ATF6B: variants seen among roughly 807,000 people sequenced by gnomAD.
ATF6B encodes the protein activating transcription factor 6 beta, also known as cyclic AMP-dependent transcription factor ATF-6 beta.
ATF6B carries 50 observed loss-of-function variants against 83.5 expected under a neutral mutation model. The ratio of observed to expected loss-of-function variants is 0.60; its 90% CI spans 0.48 to 0.76. ATF6B has a LOEUF of 0.76. ATF6B is among the 30% of genes least tolerant of loss of function. ATF6B has a pLI of 0.00. For synonymous variants in ATF6B, 344 were observed against 362.8 expected (o/e 0.95, Z 0.59); for missense variants, 790 against 893.8 (o/e 0.88, Z 1.48).
chr6:32,122,576 C>T (rs1781804551), intron 5 of ATF6B, among the ~76,000 whole-genome samples: 3 of 151,866 alleles, frequency 2.0e-5, no homozygotes, highest in East Asian at 1.9e-4. Flanking sequence ...TGGCGGGGCA[C>T]GGTGGCTCAC....
In ATF6B at chr6:32,118,975, A is replaced by G; in HGVS notation, c.1133T>C (p.Leu378Pro). 1 of 1,614,034 alleles carries G rather than the reference A, an allele frequency of 6.2e-7. No homozygotes were observed. Among genetic ancestry groups the G allele is most frequent in the South Asian group, 1.1e-5 (1 of 91,084 alleles). The change falls in exon 10 of 18, where the codon CTG becomes CCG. Residue 378 changes from leucine to proline, a missense_variant. Leu to Pro is a moderately conservative substitution (Grantham distance 98). Coordinates refer to ENST00000375203, the MANE Select transcript of ATF6B (RefSeq NM_004381.5). The surrounding 1 kb of genome is among the most constrained non-coding windows in gnomAD (Gnocchi z 5.2). ...TCTTACTTCAGCCAGCAGGGCCTCCAGCCGCCGCCGGAGGGCAGCATTCTC... is the reference window on the plus strand; with the variant it reads ...TCTTACTTCAGCCAGCAGGGCCTCCGGCCGCCGCCGGAGGGCAGCATTCTC... Reference protein sequence around the residue: ...RRENAALRRRLEALLAENSEL... With the variant: ...RRENAALRRRPEALLAENSEL...
chr6:32,127,241 G>A, intron 3 of ATF6B, 47 bp from the exon 4 acceptor site: 1 of 1,540,826 alleles, frequency 6.5e-7, no homozygotes, highest in Non-Finnish European at 8.8e-7. Context: ...AGCTTAAGAA[G>A]AGTCCAAAAA....
At position 32,118,091 on chromosome 6, in the gene ATF6B, T is replaced by C; in HGVS notation, c.1245-53A>G. On this transcript the variant is annotated intron_variant, in intron 11 of 17. Transcript: ENST00000375203. This position sits in a 1 kb window ranked among gnomAD's most constrained non-coding sequence, Gnocchi z 5.2. ...TGAAGAATTTCAGCTGTATCAAGTA[T>C]CTAGGTAAGAATAAAGACTCTGCAG... is the stretch of plus-strand genomic sequence containing the variant. 1.9e-6 allele frequency: 3 copies of C among 1,607,086 alleles called. No individual in the cohort carries two copies. Among genetic ancestry groups the C allele is most frequent in the Non-Finnish European group, 2.6e-6 (3 of 1,174,574 alleles).
chr6:32,116,670 G>A lies in ATF6B; in HGVS notation c.1797+34C>T, dbSNP rs200540433. On this transcript the variant is annotated intron_variant, in intron 16 of 17. Transcript: ENST00000375203. This position sits in a 1 kb window ranked among gnomAD's most constrained non-coding sequence, Gnocchi z 5.1. ...CTGAAGACAGACTGCTGGGAACCTG[G>A]GGTGACAGAGATGGAAGGGCAGGAG... 10 of 1,609,484 alleles carry A rather than the reference G, an allele frequency of 6.2e-6. No homozygotes were observed. The highest frequency in any genetic ancestry group is 1.3e-5 in the African/African-American group (1 of 74,790).
At chr6:32,126,900 C>G (rs1215800467) in intron 4 of ATF6B, among the ~76,000 whole-genome samples, 1 of 152,074 alleles carries the variant, frequency 6.6e-6, no homozygotes, top group Non-Finnish European at 1.5e-5. Flanking sequence ...ACAAAAAAAT[C>G]TTCACTGCTA....
chr6:32,127,816 C>A (rs1474318452), intron 1 of ATF6B, 66 bp from the exon 2 acceptor site: 5 of 1,526,678 alleles, frequency 3.3e-6, no homozygotes, highest in African/African-American at 1.4e-5. Flanking sequence ...CACACAAGCC[C>A]CCGCCCCATC....
rs767900351 is a variant in ATF6B, at chr6:32,125,261, T to C, written c.478+856A>G. Among the ~76,000 whole-genome samples the C allele has an allele frequency of 1.3e-5, 2 of 152,250 alleles. No homozygotes were observed. The highest frequency in any genetic ancestry group is 2.4e-5 in the African/African-American group (1 of 41,464). On this transcript the variant is annotated intron_variant, in intron 5 of 17. Coordinates refer to ENST00000375203, the MANE Select transcript of ATF6B (RefSeq NM_004381.5). The surrounding 1 kb of genome is among the most constrained non-coding windows in gnomAD (Gnocchi z 4.1). ...CTTGTTCATCTTTGCATTCCCAGCATGCTGCTCAGTATCTGGCATGGAGTA... is the reference window on the plus strand; with the variant it reads ...CTTGTTCATCTTTGCATTCCCAGCACGCTGCTCAGTATCTGGCATGGAGTA...
In ATF6B at chr6:32,118,108, A is replaced by C. The variant is rs1781607174; in HGVS notation, c.1245-70T>G. On this transcript the variant is annotated intron_variant, in intron 11 of 17. Transcript: ENST00000375203. The surrounding 1 kb of genome is among the most constrained non-coding windows in gnomAD (Gnocchi z 5.2). ...ATCAAGTATCTAGGTAAGAATAAAG[A>C]CTCTGCAGATGGACTGCTTGAGTTG... The C allele has an allele frequency of 6.3e-7, 1 of 1,584,378 alleles. No individual in the cohort carries two copies. Among genetic ancestry groups the C allele is most frequent in the Admixed American group, 1.7e-5 (1 of 59,118 alleles).
Position 32,121,088 on chromosome 6 carries a change from C to G in ATF6B, c.601G>C (p.Glu201Gln), listed in dbSNP as rs1385170075. The G allele has an allele frequency of 6.4e-7, 1 of 1,570,098 alleles. No individual in the cohort carries two copies. The highest frequency in any genetic ancestry group is 8.6e-7 in the Non-Finnish European group (1 of 1,159,744). Residue 201 changes from glutamate (E) to glutamine (Q), a missense_variant, in exon 7 of 18, where the codon GAG becomes CAG. Transcript: ENST00000375203. ...IGEEVLEVKTESLSPSGCLLW... is the reference protein window; with the variant it reads ...IGEEVLEVKTQSLSPSGCLLW... ...AGGCATCCTGAAGGGGACAGGGACT[C>G]TGTCTTCACTTCCAGGACCTCCTCT...
chr6:32,115,844 C>T lies in ATF6B; in HGVS notation c.2007G>A (p.Gln669=), dbSNP rs768672363. 6.2e-7 allele frequency: 1 copy of T among 1,614,122 alleles called. No homozygotes were observed. Among genetic ancestry groups the T allele is most frequent in the East Asian group, 2.2e-5 (1 of 44,862 alleles). ...TGGCATTGCCTGGGGTTGGGGATGG[C>T]TGTTTTCGGAGCGAGGGGGGCACTG... is the stretch of plus-strand genomic sequence containing the variant. ...TSTVPPSLRK[Q]PSPTPGNATG... Residue 669 remains glutamine (Q), a synonymous_variant, in exon 18 of 18, where the codon CAG becomes CAA. Coordinates refer to ENST00000375203, the MANE Select transcript of ATF6B (RefSeq NM_004381.5).
chr6:32,128,042 C>T (rs1782062281), intron 1 of ATF6B, 75 bp downstream of exon 1: 7 of 1,571,262 alleles, frequency 4.5e-6, no homozygotes, highest in Middle Eastern at 1.7e-4. Context: ...CAGACTTCCT[C>T]TTTAGGCCCC....
In ATF6B at chr6:32,116,620, C is replaced by T; in HGVS notation, c.1798-56G>A. The T allele has an allele frequency of 3.1e-6, 5 of 1,602,108 alleles. No individual in the cohort carries two copies. The highest frequency in any genetic ancestry group is 4.3e-6 in the Non-Finnish European group (5 of 1,170,590). On this transcript the variant is annotated intron_variant, in intron 16 of 17. Coordinates refer to ENST00000375203, the MANE Select transcript of ATF6B (RefSeq NM_004381.5). The surrounding 1 kb of genome is among the most constrained non-coding windows in gnomAD (Gnocchi z 5.1). The stretch of plus-strand genomic sequence containing the variant: ...TGGAGGCAAAGATGCCAACAAGCTC[C>T]CCAGCCCTACTCTACATCCCCCCAC...
At position 32,127,576 on chromosome 6, in the gene ATF6B, G is replaced by A. The variant is rs1307057759; in HGVS notation, c.172-56C>T. On this transcript the variant is annotated intron_variant, in intron 2 of 17. Coordinates refer to ENST00000375203, the MANE Select transcript of ATF6B (RefSeq NM_004381.5). ...GTGTGAGAAAGGATGAGAAAGTAGGGGTGACTCCAGATGAGTTATGGCCTG... is the reference window on the plus strand; with the variant it reads ...GTGTGAGAAAGGATGAGAAAGTAGGAGTGACTCCAGATGAGTTATGGCCTG... 10 of 1,608,164 alleles carry A rather than the reference G, an allele frequency of 6.2e-6. No individual in the cohort carries two copies. In the South Asian group the frequency reaches 9.9e-5, roughly 16 times the overall value.
chr6:32,117,889 T>G lies in ATF6B; in HGVS notation c.1394A>C (p.Gln465Pro), dbSNP rs1352654504. ...QGSSQGPKEP[Q>P]PSPTDQPSFS... is the part of the protein sequence containing the mutation. ...ACTGGGCTGGTCTGTGGGGCTGGGC[T>G]GGGGCTCCTTAGGGCCCTGGGAGGA... The change falls in exon 12 of 18, where the codon CAG becomes CCG. Residue 465 changes from glutamine to proline, a missense_variant. Physicochemically the swap from Gln to Pro is moderately conservative, Grantham distance 76 (BLOSUM62 -1). Transcript: ENST00000375203. The surrounding 1 kb of genome is among the most constrained non-coding windows in gnomAD (Gnocchi z 5.0). 1 of 1,576,828 alleles carries G rather than the reference T, an allele frequency of 6.3e-7. No individual in the cohort carries two copies. The highest frequency in any genetic ancestry group is 2.2e-5 in the East Asian group (1 of 44,714).
chr6:32,120,231 G>A, intron 8 of ATF6B: 1 of 245,834 alleles, frequency 4.1e-6, no homozygotes, highest in South Asian at 6.4e-5. Flanking sequence ...CCCAGCAGCT[G>A]GAACTACAGA....
rs765052818 is a variant in ATF6B, at chr6:32,119,153, G to T, written c.967-12C>A. The T allele has an allele frequency of 6.2e-7, 1 of 1,601,116 alleles. No homozygotes were observed. The highest frequency in any genetic ancestry group is 1.8e-5 in the Admixed American group (1 of 56,986). ...TTCAGCAGCTTTGCCTAGGCACCCG[G>T]AAGGTCAAAAAAGAATGACAGATGA... On this transcript the variant is annotated splice_polypyrimidine_tract_variant and intron_variant, in intron 9 of 17. Coordinates refer to ENST00000375203, the MANE Select transcript of ATF6B (RefSeq NM_004381.5). This position sits in a 1 kb window ranked among gnomAD's most constrained non-coding sequence, Gnocchi z 4.9.
At chr6:32,124,156 C>T (rs1781873074) in intron 5 of ATF6B, among the ~76,000 whole-genome samples, 1 of 152,122 alleles carries the variant, frequency 6.6e-6, no homozygotes, top group South Asian at 2.1e-4. Flanking sequence ...GCCAAGATCA[C>T]ACCACTATTG....
intron 5 of ATF6B, among the ~76,000 whole-genome samples, chr6:32,124,250 T>C (rs1413250089): frequency 6.6e-6 from 1 of 152,072 alleles, no homozygotes; most frequent in Non-Finnish European, 1.5e-5. Context: ...TTCATCATCT[T>C]CCCTGACCAG....
At position 32,117,515 on chromosome 6, in the gene ATF6B, G is replaced by A. The variant is rs755130536; in HGVS notation, c.1532+72C>T. The A allele has an allele frequency of 6.1e-5, 97 of 1,592,468 alleles. No individual in the cohort carries two copies. In the African/African-American group the frequency reaches 1.3e-3, roughly 21 times the overall value. ...GGGAGCACTGGCGCTTTAGTACACA[G>A]GCCAGCCAGGCTGACTGCAGAAGGC... On this transcript the variant is annotated intron_variant, in intron 13 of 17. Transcript: ENST00000375203. This position sits in a 1 kb window ranked among gnomAD's most constrained non-coding sequence, Gnocchi z 5.0.
Sources: gnomAD v4.1 joint callset for allele counts (sites outside exome capture counted in the v4.1 genomes callset) on GRCh38, gnomAD v4.1.1 for gene constraint, Gnocchi (gnomAD v3.1) non-coding constraint, MANE v1.5 for transcripts, NCBI Gene and HGNC (gene_info 2026-07-23, HGNC 2026-07-21) for gene names.